LRRC7: variants seen among roughly 807,000 people sequenced by gnomAD.
LRRC7 encodes leucine-rich repeat-containing protein 7.
In LRRC7, 23 loss-of-function variants were observed where a neutral mutation model predicts 175.7. The ratio of observed to expected loss-of-function variants is 0.13; its 90% CI spans 0.09 to 0.19. LRRC7 has a LOEUF of 0.19. LRRC7 is among the 10% of genes least tolerant of loss of function. The pLI is 1.00. For missense variants in LRRC7, 1,354 were observed against 1,904.7 expected (o/e 0.71, Z 5.38); for synonymous variants, 685 against 680.9 (o/e 1.01, Z -0.09).
intron 1 of LRRC7, among the ~76,000 whole-genome samples, chr1:69,652,644 A>G (rs180960049): frequency 5.6e-4 from 84 of 151,288 alleles, no homozygotes; most frequent in African/African-American, 1.9e-3. Context: ...ATTTGGAAAA[A>G]CTCCCCTATC....
intron 1 of LRRC7, among the ~76,000 whole-genome samples, chr1:69,576,491 T>C (rs1645955457): frequency 6.6e-6 from 1 of 152,180 alleles, no homozygotes; most frequent in South Asian, 2.1e-4. Flanking sequence ...TTTGAAATTA[T>C]GAGATTAAAG....
chr1:69,606,522 C>T (rs2101014056), intron 1 of LRRC7, among the ~76,000 whole-genome samples: 1 of 152,016 alleles, frequency 6.6e-6, no homozygotes. Context: ...TATTAATTTC[C>T]AATGATGTCA....
chr1:69,799,825 A>T (rs541240629), intron 4 of LRRC7, among the ~76,000 whole-genome samples: 56 of 152,168 alleles, frequency 3.7e-4, no homozygotes, highest in Non-Finnish European at 6.8e-4. Flanking sequence ...TGCCTAGTTC[A>T]ATGTCCAGAC....
At chr1:69,945,057 G>A (rs758497781) in intron 8 of LRRC7, among the ~76,000 whole-genome samples, 1 of 151,886 alleles carries the variant, frequency 6.6e-6, no homozygotes, top group Admixed American at 6.6e-5. Flanking sequence ...CTGCTTTTGG[G>A]TTATATCCAA....
In LRRC7 at chr1:69,568,653, A is replaced by T. The variant is rs572841887; in HGVS notation, c.2+12A>T. The T allele has an allele frequency of 7.4e-7, 1 of 1,343,208 alleles. No individual in the cohort carries two copies. Among genetic ancestry groups the T allele is most frequent in the African/African-American group, 1.5e-5 (1 of 64,590 alleles). 83.2% of individuals were successfully genotyped at this position (1,343,208 alleles called of 1,614,324 possible). A position where few individuals can be genotyped will look rare whatever the true frequency, so the allele number is the denominator to read the frequency against. Reference sequence around the variant, plus strand: ...CTCCCGCCGGCGATGTGAGTAAGGCACGCTCGCTCCGTGGCGGAGGGTGCT... The same window carrying T: ...CTCCCGCCGGCGATGTGAGTAAGGCTCGCTCGCTCCGTGGCGGAGGGTGCT... On this transcript the variant is annotated intron_variant, in intron 1 of 26. Transcript: ENST00000651989.
At chr1:69,805,921 T>C (rs565972806) in intron 4 of LRRC7, among the ~76,000 whole-genome samples, 2 of 152,038 alleles carry the variant, frequency 1.3e-5, no homozygotes, top group African/African-American at 4.8e-5. Flanking sequence ...TTGAAATCTG[T>C]CTTGGGCTCT....
At chr1:70,023,984 AT>A (rs1657803651) in intron 17 of LRRC7, among the ~76,000 whole-genome samples, 1 of 152,020 alleles carries the variant, frequency 6.6e-6, no homozygotes, top group African/African-American at 2.4e-5. Context: ...TAAGAGGTTA[AT>A]GGGGGGAAAA....
intron 7 of LRRC7, among the ~76,000 whole-genome samples, chr1:69,898,333 T>G (rs1646036871): frequency 6.6e-6 from 1 of 152,210 alleles, no homozygotes; most frequent in Non-Finnish European, 1.5e-5. Context: ...GTTGGAGAGC[T>G]ATATTTCAAA....
chr1:69,769,070 A>G (rs941392651), intron 3 of LRRC7, among the ~76,000 whole-genome samples: 5 of 152,218 alleles, frequency 3.3e-5, no homozygotes, highest in South Asian at 4.1e-4. Context: ...AGAAGGAAGC[A>G]TTCTGACAAA....
chr1:69,971,887 G>C lies in LRRC7; in HGVS notation c.712-8492G>C, dbSNP rs139202324. Among the ~76,000 whole-genome samples, 439 of 152,288 alleles carry C rather than the reference G, an allele frequency of 2.9e-3. 1 individual carries two copies. The highest frequency in any genetic ancestry group is 9.6e-3 in the African/African-American group (399 of 41,562). The stretch of plus-strand genomic sequence containing the variant: ...TTTCAAACTATACTATAAGGCCGTA[G>C]TCACCAAAACAGAATGGTACTGGCA... On this transcript the variant is annotated intron_variant, in intron 8 of 26. Coordinates refer to ENST00000651989, the MANE Select transcript of LRRC7 (RefSeq NM_001370785.2).
intron 2 of LRRC7, among the ~76,000 whole-genome samples, chr1:69,713,921 A>G (rs1225436733): frequency 6.6e-6 from 1 of 152,010 alleles, no homozygotes; most frequent in Non-Finnish European, 1.5e-5. Flanking sequence ...TTTACCCAGT[A>G]ATCTTGCTAA....
At chr1:69,671,784 G>T (rs1050728098) in intron 1 of LRRC7, among the ~76,000 whole-genome samples, 7 of 152,094 alleles carry the variant, frequency 4.6e-5, no homozygotes, top group African/African-American at 1.4e-4. Flanking sequence ...TATGACAGGG[G>T]CAGCATTGAG....
At position 70,006,715 on chromosome 1, in the gene LRRC7, T is replaced by G. The variant is rs1410740614; in HGVS notation, c.1005-5082T>G. ...TCAGTCCCACAAAACTATCCCCCCT[T>G]TTCAGATGCCAATCACAAGTCCAGG... On this transcript the variant is annotated intron_variant, in intron 11 of 26. Coordinates refer to ENST00000651989, the MANE Select transcript of LRRC7 (RefSeq NM_001370785.2). Among the ~76,000 whole-genome samples the G allele has an allele frequency of 6.6e-5, 10 of 152,150 alleles. No homozygotes were observed. The East Asian group carries it at 1.7e-3, about 27-fold the overall frequency.
intron 1 of LRRC7, among the ~76,000 whole-genome samples, chr1:69,647,702 TC>T (rs1164979018): frequency 4.6e-5 from 7 of 152,154 alleles, no homozygotes; most frequent in Non-Finnish European, 8.8e-5. Flanking sequence ...ACTCATTCTC[TC>T]CTTTTCAAAA....
chr1:69,904,463 C>A (rs932611293), intron 7 of LRRC7, among the ~76,000 whole-genome samples: 4 of 151,836 alleles, frequency 2.6e-5, no homozygotes, highest in African/African-American at 9.7e-5. Flanking sequence ...GATGAAAAAA[C>A]CATGCAAATG....
chr1:69,923,503 T>G (rs967493353), intron 7 of LRRC7, among the ~76,000 whole-genome samples: 3 of 152,116 alleles, frequency 2.0e-5, no homozygotes, highest in African/African-American at 4.8e-5. Context: ...TTTTAATGAT[T>G]GCCATTCTAA....
intron 1 of LRRC7, among the ~76,000 whole-genome samples, chr1:69,662,208 C>T (rs1234371269): frequency 6.6e-6 from 1 of 152,102 alleles, no homozygotes; most frequent in African/African-American, 2.4e-5. Flanking sequence ...GCTCTATAAC[C>T]ATAAGCTCAT....
intron 1 of LRRC7, among the ~76,000 whole-genome samples, chr1:69,587,998 G>A (rs1484478347): frequency 6.6e-6 from 1 of 152,168 alleles, no homozygotes; most frequent in African/African-American, 2.4e-5. Flanking sequence ...GCTATCAGGA[G>A]CTCTAAAAAT....
At chr1:69,827,501 A>T (rs140935957) in intron 5 of LRRC7, among the ~76,000 whole-genome samples, 34 of 152,320 alleles carry the variant, frequency 2.2e-4, no homozygotes, top group Non-Finnish European at 3.7e-4. Flanking sequence ...AAGTCAACAT[A>T]AATTGTTTAT....
Sources: allele counts gnomAD v4.1 joint callset (sites outside exome capture counted in the v4.1 genomes callset), GRCh38; gene constraint gnomAD v4.1.1; transcripts MANE v1.5; gene names NCBI Gene and HGNC (gene_info 2026-07-23, HGNC 2026-07-21).